The following ZNF415 variants were observed in gnomAD, a reference collection of about 807,000 sequenced individuals.
ZNF415 encodes zinc finger protein 415.
ZNF415 carries 5 observed loss-of-function variants against 7.3 expected under a neutral mutation model. The observed-to-expected ratio is 0.69, with a 90% CI of 0.36 to 1.44. The LOEUF (loss-of-function observed/expected upper bound fraction) is 1.44. Among genes scored for constraint, ZNF415 ranks in the 40% most tolerant of loss-of-function variants. ZNF415 has a pLI of 0.04. For synonymous variants in ZNF415, 207 were observed against 226.3 expected (o/e 0.91, Z 0.77); for missense variants, 628 against 664.8 (o/e 0.94, Z 0.61).
intron 2 of ZNF415, among the ~76,000 whole-genome samples, chr19:53,120,131 C>G (rs2087754119): frequency 6.6e-6 from 1 of 151,738 alleles, no homozygotes; most frequent in Non-Finnish European, 1.5e-5. Flanking sequence ...AAATCCTCAT[C>G]AAAATACTAG....
At chr19:53,121,966 G>A (rs955913008) in intron 2 of ZNF415, among the ~76,000 whole-genome samples, 7 of 151,946 alleles carry the variant, frequency 4.6e-5, no homozygotes, top group African/African-American at 1.7e-4. Flanking sequence ...CTGACTTTAG[G>A]CCAGGCACGG....
chr19:53,110,588 C>T (rs1261670609), intron 3 of ZNF415, among the ~76,000 whole-genome samples: 1 of 151,950 alleles, frequency 6.6e-6, no homozygotes, highest in African/African-American at 2.4e-5. Flanking sequence ...TAAACCATAA[C>T]AATTAATTAA....
chr19:53,129,023 CG>C (rs1555793957), intron 1 of ZNF415, among the ~76,000 whole-genome samples: 1 of 145,554 alleles, frequency 6.9e-6, no homozygotes, highest in Non-Finnish European at 1.5e-5. Context: ...TAGAGAGTGA[CG>C]GGCAGAGAGA....
At chr19:53,127,746 G>C (rs968068588) in intron 1 of ZNF415, among the ~76,000 whole-genome samples, 1 of 151,778 alleles carries the variant, frequency 6.6e-6, no homozygotes, top group Non-Finnish European at 1.5e-5. Context: ...GTGTGGTGGC[G>C]CGTGCCTGTA....
chr19:53,127,477 C>A (rs1391333137), intron 1 of ZNF415, among the ~76,000 whole-genome samples: 1 of 152,204 alleles, frequency 6.6e-6, no homozygotes, highest in Non-Finnish European at 1.5e-5. Flanking sequence ...CCAAAGCCTA[C>A]CAATAAAACA....
chr19:53,127,356 G>C (rs570951993), intron 1 of ZNF415, among the ~76,000 whole-genome samples: 1 of 152,212 alleles, frequency 6.6e-6, no homozygotes, highest in South Asian at 2.1e-4. Flanking sequence ...ACGAAATTTC[G>C]CAAGTCCCAG....
intron 1 of ZNF415, chr19:53,129,453 T>C: frequency 2.5e-6 from 1 of 398,844 alleles, no homozygotes; most frequent in Non-Finnish European, 4.4e-6. Flanking sequence ...ATTCTTGTTT[T>C]CATTTTTAGA....
In ZNF415 at chr19:53,108,753, C is replaced by T. The variant is rs575397859; in HGVS notation, c.1292G>A (p.Arg431Gln). ...AGGTTTCTCTCCAGTATGAACTCTC[C>T]GATGACTCGCAAGGTGTGAATTGTA... is the stretch of plus-strand genomic sequence containing the variant. ...FSYNSHLASH[R>Q]RVHTGEKPYK... Residue 431 changes from arginine (R) to glutamine (Q), a missense_variant, in exon 4 of 4, where the codon CGG (arginine) becomes CAG (glutamine). Coordinates refer to ENST00000243643, the MANE Select transcript of ZNF415 (RefSeq NM_018355.4). 7.4e-6 allele frequency: 12 copies of T among 1,613,964 alleles called. No individual in the cohort carries two copies. Among genetic ancestry groups the T allele is most frequent in the Admixed American group, 1.7e-5 (1 of 59,996 alleles).
At chr19:53,129,544 T>G in intron 1 of ZNF415, 1 of 402,770 alleles carries the variant, frequency 2.5e-6, no homozygotes. Context: ...GCACACCCAA[T>G]TTTGCCCCAA....
Position 53,122,760 on chromosome 19 carries a change from A to G in ZNF415, c.-67-17T>C. 1 of 1,585,654 alleles carries G rather than the reference A, an allele frequency of 6.3e-7. No individual in the cohort carries two copies. Among genetic ancestry groups the G allele is most frequent in the Non-Finnish European group, 8.7e-7 (1 of 1,155,592 alleles). On this transcript the variant is annotated splice_polypyrimidine_tract_variant and intron_variant, in intron 1 of 3. Transcript: ENST00000243643. ...AAGTCAATGCTGAATAACAACAACA[A>G]GTGCTGTTTATTGCTTAGAAACAAC...
intron 2 of ZNF415, among the ~76,000 whole-genome samples, chr19:53,119,188 A>ATG (rs2087560838): frequency 6.6e-6 from 1 of 151,866 alleles, no homozygotes; most frequent in African/African-American, 2.4e-5. Flanking sequence ...AGGCTGAGGC[A>ATG]GGAGAATGGC....
intron 1 of ZNF415, among the ~76,000 whole-genome samples, chr19:53,124,490 T>C (rs1010943857): frequency 1.3e-5 from 2 of 152,094 alleles, no homozygotes; most frequent in African/African-American, 4.8e-5. Flanking sequence ...CATCAAGCCA[T>C]TCCCAAGAGA....
intron 3 of ZNF415, chr19:53,115,372 G>T: frequency 3.7e-6 from 1 of 267,796 alleles, no homozygotes; most frequent in Non-Finnish European, 7.2e-6. Context: ...TAACAGGAGA[G>T]ACCACGGGAG....
intron 2 of ZNF415, among the ~76,000 whole-genome samples, chr19:53,120,815 G>T (rs1170244785): frequency 1.3e-5 from 2 of 152,096 alleles, no homozygotes; most frequent in Non-Finnish European, 2.9e-5. Context: ...GCTGGGCGCG[G>T]TGGCTCATGC....
chr19:53,109,058 T>C lies in ZNF415; in HGVS notation c.987A>G (p.Thr329=), dbSNP rs4803051. Residue 329 remains threonine, a synonymous_variant, in exon 4 of 4, where the codon ACA becomes ACG. Transcript: ENST00000243643. ...TAAAGGCTTTGCCACACTCTTTACA[T>C]GTGTAAGGTTTCTCTCCAATATGAG... ...QKTHIGEKPY[T]CKECGKAFSV... The C allele has an allele frequency of 0.49, 784,528 of 1,613,638 alleles. 195,045 individuals carry two copies. The highest frequency in any genetic ancestry group is 0.66 in the Admixed American group (39,884 of 59,986).
chr19:53,112,250 C>T (rs142793343), intron 3 of ZNF415, among the ~76,000 whole-genome samples: 77 of 152,190 alleles, frequency 5.1e-4, no homozygotes, highest in South Asian at 1.2e-3. Flanking sequence ...GGCCATCAGA[C>T]GTGTTTTTAA....
In ZNF415 at chr19:53,109,716, A is replaced by G. The variant is rs2085949941; in HGVS notation, c.329T>C (p.Val110Ala). ...WRDDERNCNK[V>A]TTAPKENLTC... ...AAGATTTTCTTTTGGGGCCGTAGTC[A>G]CTTTGTTGCAATTTCTTTCATCATC... Residue 110 changes from valine to alanine, a missense_variant, in exon 4 of 4, where the codon GTG (valine) becomes GCG (alanine). Physicochemically the swap from Val to Ala is moderately conservative, Grantham distance 64. Transcript: ENST00000243643. 6.2e-7 allele frequency: 1 copy of G among 1,613,770 alleles called. No individual in the cohort carries two copies. Among genetic ancestry groups the G allele is most frequent in the Non-Finnish European group, 8.5e-7 (1 of 1,179,966 alleles).
intron 3 of ZNF415, chr19:53,115,822 A>T: frequency 6.5e-7 from 1 of 1,542,790 alleles, no homozygotes; most frequent in Non-Finnish European, 8.8e-7. Flanking sequence ...CTGGTCAGGA[A>T]GAGAATTTCC....
In ZNF415 at chr19:53,116,366, C is replaced by T. The variant is rs2087025662; in HGVS notation, c.83G>A (p.Arg28Lys). Residue 28 changes from arginine to lysine, a missense_variant, in exon 3 of 4, where the codon AGG becomes AAG. Arg to Lys is a conservative substitution (Grantham distance 26, BLOSUM62 2). Coordinates refer to ENST00000243643, the MANE Select transcript of ZNF415 (RefSeq NM_018355.4). ...DEWKCLNSTQ[R>K]TLYRDVMLEN... The stretch of plus-strand genomic sequence containing the variant: ...CAACATCACATCCCTGTATAAAGTC[C>T]TCTGTGTAGAGTTCAGGCATTTCCA... 2 of 1,613,776 alleles carry T rather than the reference C, an allele frequency of 1.2e-6. No individual in the cohort carries two copies. The highest frequency in any genetic ancestry group is 1.7e-6 in the Non-Finnish European group (2 of 1,179,912).
Sources: allele counts gnomAD v4.1 joint callset (sites outside exome capture counted in the v4.1 genomes callset), GRCh38; gene constraint gnomAD v4.1.1; transcripts MANE v1.5; gene names NCBI Gene and HGNC (gene_info 2026-07-23, HGNC 2026-07-21).